The following NR3C1 variants were observed in gnomAD, a reference collection of about 807,000 sequenced individuals.
The protein encoded by NR3C1 is nuclear receptor subfamily 3 group C member 1, also known as glucocorticoid receptor.
In NR3C1, 14 loss-of-function variants were observed where a neutral mutation model predicts 74.0. That is an observed-to-expected ratio of 0.19 (90% CI 0.12 to 0.30). The LOEUF is 0.30. NR3C1 is among the 10% of genes least tolerant of loss of function. The pLI is 1.00. For synonymous variants in NR3C1, 308 were observed against 332.5 expected (o/e 0.93, Z 0.80); for missense variants, 695 against 909.8 (o/e 0.76, Z 3.04).
At chr5:143,423,705 A>G (rs1161287236) in intron 1 of NR3C1, among the ~76,000 whole-genome samples, 1 of 152,194 alleles carries the variant, frequency 6.6e-6, no homozygotes, top group African/African-American at 2.4e-5. Context: ...GTATGGAATC[A>G]ACCTAAGTGT....
Position 143,289,306 on chromosome 5 carries a change from A to G in NR3C1, c.2023+6154T>C, listed in dbSNP as rs117035386. 1.0e-3 allele frequency among the ~76,000 whole-genome samples: 155 copies of G among 152,302 alleles called. 3 individuals carry two copies. In the East Asian group the frequency reaches 0.022, roughly 22 times the overall value. ...AGAGTCTGAAAGTAGACCCACACAT[A>G]TACAAACAACTGATTTTCTACAAAA... is the stretch of plus-strand genomic sequence containing the variant. On this transcript the variant is annotated intron_variant, in intron 7 of 8. Transcript: ENST00000394464.
At chr5:143,350,811 G>C (rs4912905) in intron 2 of NR3C1, among the ~76,000 whole-genome samples, 30,802 of 152,126 alleles carry the variant, frequency 0.2, 3,629 homozygotes, top group East Asian at 0.34. Context: ...AGGAAAACTA[G>C]AAACAGAATT....
chr5:143,323,684 G>A (rs1275270345), intron 2 of NR3C1, among the ~76,000 whole-genome samples: 1 of 152,068 alleles, frequency 6.6e-6, no homozygotes, highest in Non-Finnish European at 1.5e-5. Flanking sequence ...ACAGTCCAAA[G>A]TCTCATCTGA....
At chr5:143,315,734 T>G (rs1014339543) in intron 2 of NR3C1, among the ~76,000 whole-genome samples, 3 of 152,220 alleles carry the variant, frequency 2.0e-5, no homozygotes, top group Non-Finnish European at 4.4e-5. Flanking sequence ...TATCAAGTAA[T>G]GTAGTTTGTT....
chr5:143,395,383 G>A (rs1021971350), intron 2 of NR3C1, among the ~76,000 whole-genome samples: 6 of 151,394 alleles, frequency 4.0e-5, no homozygotes, highest in African/African-American at 1.2e-4. Context: ...ATTTTTTTTT[G>A]TAGTTATAGC....
chr5:143,403,748 C>A, upstream of NR3C1: 1 of 984,882 alleles, frequency 1.0e-6, no homozygotes, highest in Non-Finnish European at 1.2e-6. Flanking sequence ...GCTCCCCGCC[C>A]GAGGGGCCGC....
chr5:143,368,623 A>C (rs1385703620), intron 2 of NR3C1, among the ~76,000 whole-genome samples: 1 of 152,052 alleles, frequency 6.6e-6, no homozygotes, highest in Non-Finnish European at 1.5e-5. Flanking sequence ...AAGAATGTTA[A>C]AGACATTTCT....
intron 2 of NR3C1, among the ~76,000 whole-genome samples, chr5:143,381,231 G>A (rs533675964): frequency 1.3e-5 from 2 of 151,774 alleles, no homozygotes; most frequent in East Asian, 3.9e-4. Flanking sequence ...TAAACTCAAC[G>A]AAAGAAGTGA....
At chr5:143,434,950 G>A (rs571270276) in exon 1 of NR3C1, 3 of 985,178 alleles carry the variant, frequency 3.0e-6, no homozygotes, top group East Asian at 1.1e-4. Flanking sequence ...CCTGTCTCTC[G>A]GGTATAACTT....
At chr5:143,297,567 G>A (rs1015783388) in intron 6 of NR3C1, among the ~76,000 whole-genome samples, 2 of 152,164 alleles carry the variant, frequency 1.3e-5, no homozygotes, top group African/African-American at 4.8e-5. Flanking sequence ...ACATTGTGAT[G>A]CAGTAGTTTG....
upstream of NR3C1, chr5:143,403,797 C>T (rs1183776263): frequency 6.1e-6 from 6 of 979,828 alleles, no homozygotes; most frequent in Non-Finnish European, 7.3e-6. Flanking sequence ...GTTGGTGACG[C>T]TTGGCAACTG....
intron 1 of NR3C1, among the ~76,000 whole-genome samples, chr5:143,428,672 C>T (rs1419941801): frequency 1.3e-5 from 2 of 152,240 alleles, no homozygotes; most frequent in Non-Finnish European, 2.9e-5. Flanking sequence ...GAGACAGACA[C>T]ATATGGCTCC....
rs201482184 is a variant in NR3C1 at position 143,368,534 on chromosome 5, TACACACACAC to T, written c.1184+31112_1184+31121del. On this transcript the variant is annotated intron_variant, in intron 2 of 8. Coordinates refer to ENST00000394464, the MANE Select transcript of NR3C1 (RefSeq NM_000176.3). ...TATATACATACACATATATTCTAGA[TACACACACAC>T]ACACACACACACACACACACACACC... Among the ~76,000 whole-genome samples, 1,186 of 145,044 alleles carry T rather than the reference TACACACACAC, an allele frequency of 8.2e-3. 14 individuals carry two copies. Among genetic ancestry groups the T allele is most frequent in the Middle Eastern group, 0.018 (5 of 282 alleles).
intron 1 of NR3C1, among the ~76,000 whole-genome samples, chr5:143,402,967 A>T (rs1002125642): frequency 1.3e-5 from 2 of 151,710 alleles, no homozygotes; most frequent in Non-Finnish European, 2.9e-5. Context: ...TCGCCGTCCG[A>T]GGTCAGGTTC....
At chr5:143,392,167 G>A (rs537049033) in intron 2 of NR3C1, among the ~76,000 whole-genome samples, 101 of 152,068 alleles carry the variant, frequency 6.6e-4, no homozygotes, top group Non-Finnish European at 1.2e-3. Flanking sequence ...GGGTTTCACC[G>A]TGTTAGCCAG....
intron 1 of NR3C1, among the ~76,000 whole-genome samples, chr5:143,424,811 A>C (rs780206403): frequency 7.2e-5 from 11 of 152,126 alleles, no homozygotes; most frequent in Admixed American, 3.3e-4. Context: ...TGCAACAAAC[A>C]TTTTCAAAAG....
intron 2 of NR3C1, among the ~76,000 whole-genome samples, chr5:143,328,137 G>C (rs113219742): frequency 6.6e-6 from 1 of 152,176 alleles, no homozygotes; most frequent in South Asian, 2.1e-4. Context: ...TGTCTTCTGC[G>C]CACCTGCAGG....
intron 2 of NR3C1, among the ~76,000 whole-genome samples, chr5:143,383,577 G>A (rs1338694884): frequency 6.6e-6 from 1 of 152,234 alleles, no homozygotes; most frequent in African/African-American, 2.4e-5. Context: ...ATCAGATGAG[G>A]TGGGGGGCTA....
At chr5:143,417,705 C>G (rs768259673) in intron 1 of NR3C1, among the ~76,000 whole-genome samples, 23 of 152,234 alleles carry the variant, frequency 1.5e-4, no homozygotes, top group Middle Eastern at 3.4e-3. Flanking sequence ...ATACACAATA[C>G]ACTAACTTCC....
Sources: gnomAD v4.1 joint callset for allele counts (sites outside exome capture counted in the v4.1 genomes callset) on GRCh38, gnomAD v4.1.1 for gene constraint, MANE v1.5 for transcripts, NCBI Gene and HGNC (gene_info 2026-07-23, HGNC 2026-07-21) for gene names.